Variants in FLI1 observed in about 807,000 individuals in gnomAD.
The protein encoded by FLI1 is Friend leukemia integration 1 transcription factor.
Under a neutral mutation model 53.1 loss-of-function variants are expected in FLI1, and 13 were observed. The observed-to-expected ratio is 0.24, with a 90% CI of 0.16 to 0.39. The LOEUF (loss-of-function observed/expected upper bound fraction) is 0.39. FLI1 is among the 10% of genes least tolerant of loss of function. The probability of loss-of-function intolerance (pLI) is 1.00; values close to 1 mark genes in which losing one functional copy is unlikely to be tolerated. For synonymous variants in FLI1, 244 were observed against 236.7 expected (o/e 1.03, Z -0.28); for missense variants, 424 against 600.5 (o/e 0.71, Z 3.07).
intron 1 of FLI1, among the ~76,000 whole-genome samples, chr11:128,743,633 C>G (rs953059812): frequency 3.3e-5 from 5 of 152,096 alleles, no homozygotes; most frequent in Admixed American, 1.3e-4. Flanking sequence ...GACAGACAGA[C>G]AGGCATGGCT....
chr11:128,804,222 A>T (rs1360490672), intron 5 of FLI1: 1 of 152,230 alleles, frequency 6.6e-6, no homozygotes, highest in African/African-American at 2.4e-5. Flanking sequence ...TTTGTTTGAG[A>T]GGCTCAGAAG....
Position 128,772,843 on chromosome 11 carries a change from C to T in FLI1, c.447C>T (p.Tyr149=). Residue 149 remains tyrosine, a synonymous_variant, in exon 4 of 9, where the codon TAC becomes TAT. Transcript: ENST00000527786. The part of the protein sequence containing the change: ...RQWLEWAIKE[Y]SLMEIDTSFF... ...GGCTGGAGTGGGCCATAAAGGAGTACAGCTTGATGGAGATCGACACATCCT... is the reference window on the plus strand; with the variant it reads ...GGCTGGAGTGGGCCATAAAGGAGTATAGCTTGATGGAGATCGACACATCCT... 6.2e-7 allele frequency: 1 copy of T among 1,613,888 alleles called. No homozygotes were observed. The highest frequency in any genetic ancestry group is 8.5e-7 in the Non-Finnish European group (1 of 1,179,842).
At chr11:128,808,906 C>G (rs1244037674) in intron 7 of FLI1, among the ~76,000 whole-genome samples, 1 of 152,152 alleles carries the variant, frequency 6.6e-6, no homozygotes, top group African/African-American at 2.4e-5. Context: ...ATAATCTGCA[C>G]ATTTTAGATG....
Position 128,710,461 on chromosome 11 carries a change from C to A in FLI1, c.18+16185C>A, listed in dbSNP as rs145505693. ...AACACTAGTCTGTAGTTCCTAGGGA[C>A]CACAATCTAGCTAAGATCAGCCCTA... On this transcript the variant is annotated intron_variant, in intron 1 of 8. Transcript: ENST00000527786. Among the ~76,000 whole-genome samples, 509 of 152,134 alleles carry A rather than the reference C, an allele frequency of 3.3e-3. 3 individuals are homozygous for A. The highest frequency in any genetic ancestry group is 0.012 in the African/African-American group (493 of 41,500).
chr11:128,729,904 CAGA>C (rs1221646464), intron 1 of FLI1, among the ~76,000 whole-genome samples: 2 of 152,188 alleles, frequency 1.3e-5, no homozygotes, highest in South Asian at 2.1e-4. Flanking sequence ...CTTTTCAGAA[CAGA>C]AGAACTGCAC....
At chr11:128,763,125 T>C (rs551921244) in intron 2 of FLI1, among the ~76,000 whole-genome samples, 5 of 152,298 alleles carry the variant, frequency 3.3e-5, no homozygotes, top group Admixed American at 2.0e-4. Flanking sequence ...TGGAGACCCA[T>C]TGGCATTTGT....
Position 128,810,719 on chromosome 11 carries a change from G to T in FLI1, c.1090G>T (p.Gly364Cys). The part of the protein sequence containing the change: ...KRYAYKFDFH[G>C]IAQALQPHPT... ...ATATGCTTACAAATTTGACTTCCAC[G>T]GCATTGCCCAGGCTCTGCAGCCACA... Residue 364 changes from glycine (G) to cysteine (C), a missense_variant, in exon 9 of 9, where the codon GGC becomes TGC. Physicochemically the swap from Gly to Cys is radical, Grantham distance 159. Transcript: ENST00000527786. This position sits in a 1 kb window ranked among gnomAD's most constrained non-coding sequence, Gnocchi z 6.6. 1 of 1,613,978 alleles carries T rather than the reference G, an allele frequency of 6.2e-7. No individual in the cohort carries two copies. Among genetic ancestry groups the T allele is most frequent in the Non-Finnish European group, 8.5e-7 (1 of 1,179,878 alleles).
intron 1 of FLI1, among the ~76,000 whole-genome samples, chr11:128,738,282 A>G (rs984679380): frequency 5.9e-5 from 9 of 152,010 alleles, no homozygotes; most frequent in Admixed American, 6.6e-5. Context: ...TCTACTCTAC[A>G]CTCCATCTTC....
chr11:128,757,044 T>TTTTCTCTCTTTCTTTC lies in FLI1; in HGVS notation c.19-1066_19-1065insCTCTTTCTTTCTTTCT, dbSNP rs1555116904. Among the ~76,000 whole-genome samples the TTTTCTCTCTTTCTTTC allele has an allele frequency of 1.6e-4, 17 of 107,028 alleles. 1 individual carries two copies. The highest frequency in any genetic ancestry group is 6.2e-4 in the African/African-American group (17 of 27,592). 70.2% of individuals were successfully genotyped at this position (107,028 alleles called of 152,430 possible). On this transcript the variant is annotated intron_variant, in intron 1 of 8. Transcript: ENST00000527786. ...CACATGCCACCATATCTAGCTAATT[T>TTTTCTCTCTTTCTTTC]TTTCTTTCTTTCTTTCTTTCTTTCT...
intron 1 of FLI1, among the ~76,000 whole-genome samples, chr11:128,741,376 G>A (rs561419778): frequency 3.1e-4 from 47 of 152,312 alleles, no homozygotes; most frequent in African/African-American, 1.1e-3. Context: ...CTGGGCAGCA[G>A]AGTGAGACTC....
intron 1 of FLI1, among the ~76,000 whole-genome samples, chr11:128,706,295 A>G (rs116327212): frequency 6.6e-6 from 1 of 152,322 alleles, no homozygotes; most frequent in African/African-American, 2.4e-5. Context: ...TTGAGTTGAG[A>G]TCGCTGCTTT....
chr11:128,788,046 A>G (rs1234311175), intron 5 of FLI1, among the ~76,000 whole-genome samples: 5 of 151,642 alleles, frequency 3.3e-5, no homozygotes, highest in Non-Finnish European at 7.4e-5. Context: ...TCCTGACCTC[A>G]TGATCTGCCC....
chr11:128,708,747 A>G (rs150711209), intron 1 of FLI1, among the ~76,000 whole-genome samples: 4 of 152,292 alleles, frequency 2.6e-5, no homozygotes, highest in East Asian at 1.9e-4. Flanking sequence ...CTTGTTGCCA[A>G]TGTAACAAGA....
chr11:128,713,499 C>T (rs1379922616), intron 1 of FLI1, among the ~76,000 whole-genome samples: 2 of 152,096 alleles, frequency 1.3e-5, no homozygotes, highest in East Asian at 1.9e-4. Context: ...TCCTCAAGTC[C>T]TCAGTGCCTG....
At chr11:128,745,225 G>A (rs1940327732) in intron 1 of FLI1, among the ~76,000 whole-genome samples, 1 of 151,852 alleles carries the variant, frequency 6.6e-6, no homozygotes, top group African/African-American at 2.4e-5. Flanking sequence ...GAAGGCATGG[G>A]AGCACAGGGC....
At position 128,811,959 on chromosome 11, in the gene FLI1, A is replaced by AT. The variant is rs1174104569; in HGVS notation, c.*979dup. 1.5e-4 allele frequency: 30 copies of AT among 200,992 alleles called. No homozygotes were observed. Among genetic ancestry groups the AT allele is most frequent in the East Asian group, 5.4e-4 (7 of 13,042 alleles). 12.5% of individuals were successfully genotyped at this position (200,992 alleles called of 1,614,324 possible). ...TTTTACTATCGAATCAATCGCTGTT[A>AT]TTTTTTTTAATGTAATTTGTACATC... On this transcript the variant is annotated 3_prime_UTR_variant, in exon 9 of 9. Coordinates refer to ENST00000527786, the MANE Select transcript of FLI1 (RefSeq NM_002017.5).
intron 1 of FLI1, among the ~76,000 whole-genome samples, chr11:128,743,689 A>T (rs1940242697): frequency 6.6e-6 from 1 of 152,062 alleles, no homozygotes. Context: ...AGAATAGAAC[A>T]CTAACTGTCC....
intron 5 of FLI1, among the ~76,000 whole-genome samples, chr11:128,799,045 TATTA>T (rs1565506638): frequency 1.4e-5 from 2 of 141,460 alleles, no homozygotes; most frequent in African/African-American, 5.2e-5. Flanking sequence ...TTATTATTAT[TATTA>T]TTATTTTGCT....
intron 1 of FLI1, among the ~76,000 whole-genome samples, chr11:128,722,390 T>G (rs1177864510): frequency 6.6e-6 from 1 of 152,190 alleles, no homozygotes; most frequent in African/African-American, 2.4e-5. Context: ...CAGAGCAGCC[T>G]GGAGATGCCA....
Sources: gnomAD v4.1 joint callset for allele counts (sites outside exome capture counted in the v4.1 genomes callset) on GRCh38, gnomAD v4.1.1 for gene constraint, Gnocchi (gnomAD v3.1) non-coding constraint, MANE v1.5 for transcripts, NCBI Gene and HGNC (gene_info 2026-07-23, HGNC 2026-07-21) for gene names.